FAM53B: variants seen among roughly 807,000 people sequenced by gnomAD.
FAM53B encodes the protein protein FAM53B.
In FAM53B, 12 loss-of-function variants were observed where a neutral mutation model predicts 32.7. The observed-to-expected ratio is 0.37, with a 90% confidence interval of 0.24 to 0.59. The LOEUF (loss-of-function observed/expected upper bound fraction) is 0.59, where lower values mean the gene tolerates loss of function less well. Among genes scored for constraint, FAM53B ranks in the 20% least tolerant of loss-of-function variants. The probability of loss-of-function intolerance (pLI) is 0.72; values close to 1 mark genes in which losing one functional copy is unlikely to be tolerated. For missense variants in FAM53B, 477 were observed against 577.7 expected (o/e 0.83, Z 1.79); for synonymous variants, 234 against 228.7 (o/e 1.02, Z -0.21).
At chr10:124,663,851 T>C (rs1421201477) in intron 4 of FAM53B, among the ~76,000 whole-genome samples, 1 of 152,090 alleles carries the variant, frequency 6.6e-6, no homozygotes, top group African/African-American at 2.4e-5. Flanking sequence ...AGACCGATGC[T>C]ACTGCTCCTC....
intron 1 of FAM53B, among the ~76,000 whole-genome samples, chr10:124,727,336 G>C (rs2038122932): frequency 1.3e-5 from 2 of 148,390 alleles, no homozygotes; most frequent in African/African-American, 2.5e-5. Flanking sequence ...ATTGTGGGGG[G>C]GGGGGGGGTG....
chr10:124,635,715 G>A lies in FAM53B; in HGVS notation c.907-12111C>T, dbSNP rs74833541. Among the ~76,000 whole-genome samples the A allele has an allele frequency of 2.7e-3, 412 of 152,272 alleles. 2 individuals are homozygous for A. Among genetic ancestry groups the A allele is most frequent in the African/African-American group, 9.3e-3 (386 of 41,518 alleles). On this transcript the variant is annotated intron_variant, in intron 4 of 4. Coordinates refer to ENST00000337318, the MANE Select transcript of FAM53B (RefSeq NM_014661.4). Reference sequence around the variant, plus strand: ...ATGGGAACGGACCCTGCAGAAGACGGATCTCCCATGCCCAAAGGGACTCAT... The same window carrying A: ...ATGGGAACGGACCCTGCAGAAGACGAATCTCCCATGCCCAAAGGGACTCAT...
chr10:124,739,763 A>G (rs1950190470), intron 1 of FAM53B, among the ~76,000 whole-genome samples: 1 of 152,164 alleles, frequency 6.6e-6, no homozygotes, highest in Admixed American at 6.5e-5. Context: ...ACGGAGAACC[A>G]TTAAAGCGGG....
intron 4 of FAM53B, among the ~76,000 whole-genome samples, chr10:124,662,336 A>C (rs1407668775): frequency 1.3e-5 from 2 of 152,238 alleles, no homozygotes; most frequent in East Asian, 3.8e-4. Context: ...ATCCTTGCTT[A>C]CTAAGTATCA....
intron 1 of FAM53B, among the ~76,000 whole-genome samples, chr10:124,740,856 G>T (rs1280494243): frequency 6.6e-6 from 1 of 152,194 alleles, no homozygotes; most frequent in Admixed American, 6.5e-5. Flanking sequence ...GACGAGGCAA[G>T]GAGGAGGAGA....
At position 124,634,626 on chromosome 10, in the gene FAM53B, C is replaced by T. The variant is rs541377536; in HGVS notation, c.907-11022G>A. Among the ~76,000 whole-genome samples, 15 of 152,312 alleles carry T rather than the reference C, an allele frequency of 9.8e-5. No homozygotes were observed. The South Asian group carries it at 1.0e-3, about 11-fold the overall frequency. ...GACTGTAAGTTTCCAGAGGCCTCCC[C>T]GGCCATGTGGAACTGTGAGTCAATT... On this transcript the variant is annotated intron_variant, in intron 4 of 4. Transcript: ENST00000337318.
intron 1 of FAM53B, among the ~76,000 whole-genome samples, chr10:124,732,290 G>T (rs970891359): frequency 6.6e-6 from 1 of 152,166 alleles, no homozygotes; most frequent in Non-Finnish European, 1.5e-5. Flanking sequence ...CTCCCATAAG[G>T]GATTCTACCC....
Position 124,623,238 on chromosome 10 carries a change from C to T in FAM53B, c.*4G>A. ...ACCCCAGCCCTGCCTGGGCCCACACCCCCTCAGTTCTTCTCTATCTGCTCA... is the reference window on the plus strand; with the variant it reads ...ACCCCAGCCCTGCCTGGGCCCACACTCCCTCAGTTCTTCTCTATCTGCTCA... On this transcript the variant is annotated 3_prime_UTR_variant, in exon 5 of 5. Coordinates refer to ENST00000337318, the MANE Select transcript of FAM53B (RefSeq NM_014661.4). The T allele has an allele frequency of 6.3e-7, 1 of 1,583,680 alleles. No homozygotes were observed.
rs114967973 is a variant in FAM53B at position 124,643,912 on chromosome 10, C to G, written c.907-20308G>C. 5.4e-3 allele frequency among the ~76,000 whole-genome samples: 829 copies of G among 152,310 alleles called. 9 individuals are homozygous for G. Among genetic ancestry groups the G allele is most frequent in the African/African-American group, 0.019 (786 of 41,546 alleles). On this transcript the variant is annotated intron_variant, in intron 4 of 4. Coordinates refer to ENST00000337318, the MANE Select transcript of FAM53B (RefSeq NM_014661.4). ...GCATCCAGAGGTTGGAGATGCCCATCTGTACATGGCATCTGCCCCCAGAAA... is the reference window on the plus strand; with the variant it reads ...GCATCCAGAGGTTGGAGATGCCCATGTGTACATGGCATCTGCCCCCAGAAA...
intron 4 of FAM53B, among the ~76,000 whole-genome samples, chr10:124,633,286 C>T (rs1257235155): frequency 1.3e-5 from 2 of 148,912 alleles, no homozygotes; most frequent in Non-Finnish European, 3.0e-5. Context: ...AAAAGCAAGA[C>T]TGAACAAATA....
At chr10:124,679,236 C>T (rs1420569149) in intron 4 of FAM53B, among the ~76,000 whole-genome samples, 1 of 152,154 alleles carries the variant, frequency 6.6e-6, no homozygotes, top group Admixed American at 6.5e-5. Context: ...GCATGCAGAG[C>T]AGACCCCAAC....
chr10:124,656,582 T>C (rs1053828082), intron 4 of FAM53B, among the ~76,000 whole-genome samples: 2 of 152,192 alleles, frequency 1.3e-5, no homozygotes, highest in African/African-American at 2.4e-5. Flanking sequence ...GTTGGTCAAA[T>C]TGTGCTTGGT....
chr10:124,691,430 C>T lies in FAM53B; in HGVS notation c.133+4728G>A, dbSNP rs1316292682. On this transcript the variant is annotated intron_variant, in intron 3 of 4. Coordinates refer to ENST00000337318, the MANE Select transcript of FAM53B (RefSeq NM_014661.4). ...TGTTCTTTGCCTGTGAAATAATTTACATTAATAAATAATTTATTACCATAA... is the reference window on the plus strand; with the variant it reads ...TGTTCTTTGCCTGTGAAATAATTTATATTAATAAATAATTTATTACCATAA... Among the ~76,000 whole-genome samples, 5 of 152,212 alleles carry T rather than the reference C, an allele frequency of 3.3e-5. No homozygotes were observed. The East Asian group carries it at 9.6e-4, about 29-fold the overall frequency.
At chr10:124,631,920 C>A (rs1006859653) in intron 4 of FAM53B, among the ~76,000 whole-genome samples, 6 of 152,196 alleles carry the variant, frequency 3.9e-5, no homozygotes, top group African/African-American at 1.4e-4. Context: ...GGAACCCTGA[C>A]CCCACATGCC....
In FAM53B at chr10:124,626,402, C is replaced by CA. The variant is rs1554901896; in HGVS notation, c.907-2799dup. Among the ~76,000 whole-genome samples, 48 of 136,764 alleles carry CA rather than the reference C, an allele frequency of 3.5e-4. No individual in the cohort carries two copies. In the South Asian group the frequency reaches 6.0e-3, roughly 17 times the overall value. 89.7% of individuals were successfully genotyped at this position (136,764 alleles called of 152,430 possible). A position where few individuals can be genotyped will look rare whatever the true frequency, so the allele number is the denominator to read the frequency against. ...TCGAAATTTGTGCCCCCCCCCCCCC[C>CA]ACCATTCCTCAGTGCAAAAGGTGGG... On this transcript the variant is annotated intron_variant, in intron 4 of 4. Transcript: ENST00000337318.
At chr10:124,697,656 AG>A (rs549514304) in intron 2 of FAM53B, among the ~76,000 whole-genome samples, 227 of 152,226 alleles carry the variant, frequency 1.5e-3, no homozygotes, top group African/African-American at 5.3e-3. Flanking sequence ...GGGGATGTCC[AG>A]GGCAAGTGTG....
chr10:124,628,541 G>T (rs1168784470), intron 4 of FAM53B, among the ~76,000 whole-genome samples: 1 of 152,204 alleles, frequency 6.6e-6, no homozygotes, highest in Non-Finnish European at 1.5e-5. Context: ...CTGGGAAGCA[G>T]AACTGCTGTC....
rs982962793 is a variant in FAM53B, at chr10:124,625,024, C to A, written c.907-1420G>T. ...AAGCAAAGCAGGGCCTTGGAGCACCCGCCGCCTCCCTCGCCGCACGCCTGC... is the reference window on the plus strand; with the variant it reads ...AAGCAAAGCAGGGCCTTGGAGCACCAGCCGCCTCCCTCGCCGCACGCCTGC... On this transcript the variant is annotated intron_variant, in intron 4 of 4. Coordinates refer to ENST00000337318, the MANE Select transcript of FAM53B (RefSeq NM_014661.4). Among the ~76,000 whole-genome samples the A allele has an allele frequency of 3.3e-5, 5 of 152,314 alleles. 1 individual carries two copies. The highest frequency in any genetic ancestry group is 7.2e-5 in the African/African-American group (3 of 41,576).
At chr10:124,644,173 T>C (rs530196221) in intron 4 of FAM53B, among the ~76,000 whole-genome samples, 3 of 152,158 alleles carry the variant, frequency 2.0e-5, no homozygotes, top group African/African-American at 4.8e-5. Flanking sequence ...TTTGCAGCTA[T>C]TTGTCTACCG....
Sources: allele counts gnomAD v4.1 joint callset (sites outside exome capture counted in the v4.1 genomes callset), GRCh38; gene constraint gnomAD v4.1.1; transcripts MANE v1.5; gene names NCBI Gene and HGNC (gene_info 2026-07-23, HGNC 2026-07-21).